The following DMD variants were observed in gnomAD, a reference collection of about 807,000 sequenced individuals.
DMD encodes dystrophin.
Under a neutral mutation model 330.1 loss-of-function variants are expected in DMD, and 63 were observed. The ratio of observed to expected loss-of-function variants is 0.19; its 90% CI spans 0.16 to 0.24. The LOEUF is 0.24. Among genes scored for constraint, DMD ranks in the 10% least tolerant of loss-of-function variants. The pLI, the probability that DMD is intolerant of heterozygous loss-of-function variation, is 1.00. For missense variants in DMD, 3,344 were observed against 2,684.1 expected, an observed-to-expected ratio of 1.25 and a Z score of -5.43; for synonymous variants, 1,223 against 959.8, an observed-to-expected ratio of 1.27 and a Z score of -5.07.
chrX:31,819,349 T>C (rs914809682), intron 50 of DMD, among the ~76,000 whole-genome samples: 1 of 112,491 alleles, frequency 8.9e-6, no homozygotes, highest in African/African-American at 3.2e-5. Flanking sequence ...AGCTCTTAAA[T>C]TGTTTGCAAA....
At chrX:32,148,167 G>T (rs890060279) in intron 44 of DMD, among the ~76,000 whole-genome samples, 1 of 110,678 alleles carries the variant, frequency 9.0e-6, no homozygotes, top group Non-Finnish European at 1.9e-5. Context: ...GTGAGCCACC[G>T]CACCCGGCCA....
At chrX:32,554,887 A>G (rs867308605) in intron 16 of DMD, among the ~76,000 whole-genome samples, 2 of 20,899 alleles carry the variant, frequency 9.6e-5, no homozygotes, top group African/African-American at 3.7e-4. Context: ...AGAAGAAAGA[A>G]AGAAAGAAAG....
At chrX:32,760,781 G>A (rs1417160504) in intron 7 of DMD, among the ~76,000 whole-genome samples, 1 of 111,736 alleles carries the variant, frequency 8.9e-6, no homozygotes, top group Non-Finnish European at 1.9e-5. Context: ...TGTCTTTAAT[G>A]CATACCTTTT....
At chrX:31,658,735 T>G (rs1352140899) in intron 53 of DMD, among the ~76,000 whole-genome samples, 1 of 112,496 alleles carries the variant, frequency 8.9e-6, no homozygotes, top group Non-Finnish European at 1.9e-5. Context: ...CCAAATCACC[T>G]ACATTTTCTT....
chrX:33,096,031 G>A (rs1310046270), intron 1 of DMD, among the ~76,000 whole-genome samples: 1 of 85,682 alleles, frequency 1.2e-5, no homozygotes, highest in Non-Finnish European at 2.1e-5. Context: ...CTGGAGTGCA[G>A]TGGTGCGATC....
chrX:31,501,702 T>C (rs1234234459), intron 56 of DMD, among the ~76,000 whole-genome samples: 1 of 112,103 alleles, frequency 8.9e-6, no homozygotes, highest in Non-Finnish European at 1.9e-5. Context: ...TAATGCCTAG[T>C]TTGAAATCCT....
chrX:32,747,493 G>T (rs1224146064), intron 7 of DMD, among the ~76,000 whole-genome samples: 1 of 111,242 alleles, frequency 9.0e-6, no homozygotes, highest in Non-Finnish European at 1.9e-5. Context: ...CTTACTTACT[G>T]TATTTGAAAC....
intron 44 of DMD, among the ~76,000 whole-genome samples, chrX:32,084,929 G>C (rs1172082518): frequency 1.8e-5 from 2 of 111,233 alleles, no homozygotes; most frequent in African/African-American, 6.5e-5. Context: ...AAATCTTCAA[G>C]CCACGAAACC....
intron 41 of DMD, among the ~76,000 whole-genome samples, chrX:32,315,982 A>G (rs1400952407): frequency 3.6e-5 from 4 of 111,568 alleles, no homozygotes; most frequent in Non-Finnish European, 7.5e-5. Context: ...TTTTTTACAA[A>G]CTTTTAAATA....
rs779462846 is a variant in DMD at position 32,012,028 on chromosome X, C to G, written c.6439-43514G>C. Among the ~76,000 whole-genome samples the G allele has an allele frequency of 4.5e-5, 5 of 112,182 alleles. 1 individual carries two copies. The South Asian group carries it at 1.1e-3, about 25-fold the overall frequency. ...AAGTCTAAACAGTTGTCAAGCCCCC[C>G]CAGTCCTTTCAACTTTCATTATCTT... On this transcript the variant is annotated intron_variant, in intron 44 of 78. Transcript: ENST00000357033.
chrX:31,900,500 G>A, intron 47 of DMD, among the ~76,000 whole-genome samples: 1 of 111,339 alleles, frequency 9.0e-6, no homozygotes, highest in Non-Finnish European at 1.9e-5. Flanking sequence ...GGTCTCCCCA[G>A]CCAAGTGGAA....
chrX:32,297,562 G>A (rs1039431637), intron 42 of DMD, among the ~76,000 whole-genome samples: 32 of 111,635 alleles, frequency 2.9e-4, no homozygotes, highest in Non-Finnish European at 4.9e-4. Context: ...GTGAGCCACC[G>A]CGCCCAGCCT....
chrX:31,348,519 C>T (rs779902167), intron 61 of DMD, 37 bp downstream of exon 61: 2 of 1,105,163 alleles, frequency 1.8e-6, no homozygotes, highest in Non-Finnish European at 2.5e-6. Flanking sequence ...AATCAAGATG[C>T]AATAAAGTTA....
intron 12 of DMD, among the ~76,000 whole-genome samples, chrX:32,612,661 C>T (rs1026907942): frequency 3.6e-5 from 4 of 111,241 alleles, no homozygotes; most frequent in Non-Finnish European, 5.7e-5. Context: ...ATCGGAAAAG[C>T]GGTACGGTTA....
chrX:32,928,335 C>T (rs926981135), intron 2 of DMD, among the ~76,000 whole-genome samples: 1 of 109,856 alleles, frequency 9.1e-6, no homozygotes, highest in Non-Finnish European at 1.9e-5. Context: ...GTATGCTCTT[C>T]GTCATAAAAA....
chrX:33,116,014 T>C (rs61459149), intron 1 of DMD, among the ~76,000 whole-genome samples: 1,755 of 104,625 alleles, frequency 0.017, 41 homozygotes, highest in African/African-American at 0.059. Context: ...GCCCACATGG[T>C]GAAACCCATC....
intron 9 of DMD, among the ~76,000 whole-genome samples, chrX:32,685,911 G>A (rs1263197690): frequency 8.9e-6 from 1 of 111,821 alleles, no homozygotes; most frequent in African/African-American, 3.3e-5. Flanking sequence ...CGTTAATTAT[G>A]TGTTGATTTT....
At chrX:32,165,210 C>T (rs1272647659) in intron 44 of DMD, among the ~76,000 whole-genome samples, 1 of 112,467 alleles carries the variant, frequency 8.9e-6, no homozygotes, top group East Asian at 2.8e-4. Flanking sequence ...CGATCAACAG[C>T]TTGCACCACG....
chrX:31,258,251 C>G (rs982574232), intron 63 of DMD, among the ~76,000 whole-genome samples: 1 of 112,545 alleles, frequency 8.9e-6, no homozygotes, highest in East Asian at 2.8e-4. Context: ...ATCAATTCCT[C>G]CCTGAGCCTG....
Sources: gnomAD v4.1 joint callset for allele counts (sites outside exome capture counted in the v4.1 genomes callset) on GRCh38, gnomAD v4.1.1 for gene constraint, MANE v1.5 for transcripts, NCBI Gene and HGNC (gene_info 2026-07-23, HGNC 2026-07-21) for gene names.